ATP13A3: variants seen among roughly 807,000 people sequenced by gnomAD.
ATP13A3 encodes ATPase 13A3, also known as polyamine-transporting ATPase 13A3.
Under a neutral mutation model 158.1 loss-of-function variants are expected in ATP13A3, and 59 were observed. That is an observed-to-expected ratio of 0.37 (90% confidence interval 0.30 to 0.46). The LOEUF (loss-of-function observed/expected upper bound fraction) is 0.46, where lower values mean the gene tolerates loss of function less well. Among genes scored for constraint, ATP13A3 ranks in the 20% least tolerant of loss-of-function variants. The pLI is 1.00. For synonymous variants in ATP13A3, 491 were observed against 504.3 expected (o/e 0.97, Z 0.35); for missense variants, 1,166 against 1,525.2 (o/e 0.76, Z 3.92).
chr3:194,417,445 A>AC (rs1560072213), intron 31 of ATP13A3, among the ~76,000 whole-genome samples: 54 of 148,948 alleles, frequency 3.6e-4, no homozygotes, highest in South Asian at 3.0e-3. Flanking sequence ...ACACACACAC[A>AC]AAAGGAGGAA....
At position 194,403,703 on chromosome 3, in the gene ATP13A3, G is replaced by T. The variant is rs1331000290; in HGVS notation, c.*2216C>A. On this transcript the variant is annotated 3_prime_UTR_variant, in exon 34 of 34. Transcript: ENST00000645319. ...TACTATGTAATGGTAACCTACGAGA[G>T]AAGACTCAGTCTATCTATGGCACTG... The T allele has an allele frequency of 6.4e-6, 1 of 156,016 alleles. No homozygotes were observed. The highest frequency in any genetic ancestry group is 1.9e-4 in the East Asian group (1 of 5,274). 9.7% of individuals were successfully genotyped at this position (156,016 alleles called of 1,614,324 possible). A position where few individuals can be genotyped will look rare whatever the true frequency, so the allele number is the denominator to read the frequency against.
chr3:194,439,811 T>G (rs1255336909), intron 16 of ATP13A3, among the ~76,000 whole-genome samples: 2 of 152,198 alleles, frequency 1.3e-5, no homozygotes, highest in Non-Finnish European at 2.9e-5. Context: ...AATATGCCAT[T>G]ATACACATTT....
At chr3:194,461,377 G>T (rs1475163595) in intron 3 of ATP13A3, among the ~76,000 whole-genome samples, 1 of 152,048 alleles carries the variant, frequency 6.6e-6, no homozygotes, top group Non-Finnish European at 1.5e-5. Flanking sequence ...TCAGTTTTAG[G>T]ATTTCACTAG....
In ATP13A3 at chr3:194,427,092, C is replaced by T. The variant is rs761665138; in HGVS notation, c.3108G>A (p.Val1036=). 11 of 1,612,676 alleles carry T rather than the reference C, an allele frequency of 6.8e-6. No homozygotes were observed. Among genetic ancestry groups the T allele is most frequent in the African/African-American group, 1.3e-5 (1 of 74,704 alleles). Residue 1036 remains valine, a synonymous_variant, in exon 29 of 34, where the codon GTG becomes GTA. Coordinates refer to ENST00000645319, the MANE Select transcript of ATP13A3 (RefSeq NM_001367549.1). ...FWVKQQPWYE[V]WHPKSDACNT... is the part of the protein sequence containing the mutation. ...CAACTTACTCTGATTTTGGATGCCA[C>T]ACTTCATACCAAGGTTGCTGTTTGA...
At chr3:194,458,214 T>C (rs1719379268) in intron 6 of ATP13A3, among the ~76,000 whole-genome samples, 1 of 152,082 alleles carries the variant, frequency 6.6e-6, no homozygotes, top group African/African-American at 2.4e-5. Flanking sequence ...TTCACTTCAA[T>C]CAATGGAGTA....
rs766609123 is a variant in ATP13A3 at position 194,462,241 on chromosome 3, G to A, written c.-46-5C>T. 2.8e-5 allele frequency: 42 copies of A among 1,501,860 alleles called. No individual in the cohort carries two copies. The highest frequency in any genetic ancestry group is 3.4e-4 in the Middle Eastern group (2 of 5,834). The allele number at this position is 1,501,860 out of a possible 1,614,324, so 93.0% of individuals were successfully genotyped here. ...GCTTCAAACAATGGAAGATCACTGAGGGAAGAAAGGGAACAGACGTTAGGG... is the reference window on the plus strand; with the variant it reads ...GCTTCAAACAATGGAAGATCACTGAAGGAAGAAAGGGAACAGACGTTAGGG... On this transcript the variant is annotated splice_polypyrimidine_tract_variant and splice_region_variant and intron_variant, in intron 2 of 33. Coordinates refer to ENST00000645319, the MANE Select transcript of ATP13A3 (RefSeq NM_001367549.1).
intron 16 of ATP13A3, among the ~76,000 whole-genome samples, chr3:194,440,997 G>T (rs1718014919): frequency 6.6e-6 from 1 of 152,196 alleles, no homozygotes; most frequent in Non-Finnish European, 1.5e-5. Flanking sequence ...AATTGTGTCA[G>T]TTGAGATCAT....
At chr3:194,461,652 C>T (rs967262486) in intron 3 of ATP13A3, among the ~76,000 whole-genome samples, 5 of 152,148 alleles carry the variant, frequency 3.3e-5, no homozygotes, top group Non-Finnish European at 7.4e-5. Flanking sequence ...TCCCATGCAA[C>T]ATTTGGACAT....
intron 15 of ATP13A3, among the ~76,000 whole-genome samples, chr3:194,441,739 A>C (rs1718065733): frequency 6.6e-6 from 1 of 152,148 alleles, no homozygotes; most frequent in African/African-American, 2.4e-5. Context: ...GACAGGAAAC[A>C]AAGTCTGGCC....
intron 21 of ATP13A3, among the ~76,000 whole-genome samples, chr3:194,433,539 G>A (rs578197409): frequency 1.1e-4 from 16 of 152,252 alleles, no homozygotes; most frequent in Middle Eastern, 3.4e-3. Context: ...CACCGCGCCC[G>A]GCCGTACTTT....
upstream of ATP13A3, chr3:194,487,050 G>A (rs2109089504): frequency 6.6e-6 from 1 of 152,072 alleles, no homozygotes; most frequent in African/African-American, 2.4e-5. Flanking sequence ...CCGCGCGGAG[G>A]GCGGAGGGGC....
chr3:194,434,319 T>A (rs1717462652), intron 20 of ATP13A3, among the ~76,000 whole-genome samples: 1 of 152,216 alleles, frequency 6.6e-6, no homozygotes, highest in Non-Finnish European at 1.5e-5. Flanking sequence ...CAATTACTGA[T>A]CCTGAAAATG....
At chr3:194,474,929 T>C (rs963774851) in intron 2 of ATP13A3, among the ~76,000 whole-genome samples, 1 of 152,222 alleles carries the variant, frequency 6.6e-6, no homozygotes, top group Non-Finnish European at 1.5e-5. Context: ...GCTAAGACTA[T>C]GTTGAGTTTA....
Position 194,448,503 on chromosome 3 carries a change from A to G in ATP13A3, c.1104T>C (p.Thr368=), listed in dbSNP as rs376894045. 20 of 1,614,024 alleles carry G rather than the reference A, an allele frequency of 1.2e-5. No homozygotes were observed. In the African/African-American group the frequency reaches 2.4e-4, roughly 19 times the overall value. ...TGACGAGTTCTCCAGTGTAGAAACG[A>G]GTCTGAATAACAGTTGTCCCACAAA... ...TLFCGTTVIQ[T]RFYTGELVKA... Residue 368 remains threonine (T), a synonymous_variant, in exon 12 of 34, where the codon ACT becomes ACC. Transcript: ENST00000645319. The surrounding 1 kb of genome is among the most constrained non-coding windows in gnomAD (Gnocchi z 4.0).
At chr3:194,464,575 T>C (rs74743491) in intron 2 of ATP13A3, among the ~76,000 whole-genome samples, 111 of 152,326 alleles carry the variant, frequency 7.3e-4, no homozygotes, top group African/African-American at 2.6e-3. Context: ...GAAGATCGGC[T>C]ATCATCACCT....
rs534247852 is a variant in ATP13A3 at position 194,429,953 on chromosome 3, G to T, written c.2777+119C>A. ...ATCAATCTGTTACTAATAAGTTACA[G>T]CTCAAATGTGCTAATCTGCTAATAT... On this transcript the variant is annotated intron_variant, in intron 26 of 33. Coordinates refer to ENST00000645319, the MANE Select transcript of ATP13A3 (RefSeq NM_001367549.1). The T allele has an allele frequency of 3.1e-5, 32 of 1,025,518 alleles. No individual in the cohort carries two copies. The African/African-American group carries it at 4.4e-4, about 14-fold the overall frequency. 63.5% of individuals were successfully genotyped at this position (1,025,518 alleles called of 1,614,324 possible).
intron 15 of ATP13A3, among the ~76,000 whole-genome samples, chr3:194,443,611 C>A (rs1474271608): frequency 6.6e-6 from 1 of 152,042 alleles, no homozygotes; most frequent in Non-Finnish European, 1.5e-5. Context: ...AGAAAGGTCA[C>A]AACGTGACAT....
At chr3:194,444,942 C>T (rs1299777111) in intron 14 of ATP13A3, among the ~76,000 whole-genome samples, 156 bp from the exon 15 acceptor site, 1 of 151,866 alleles carries the variant, frequency 6.6e-6, no homozygotes, top group Non-Finnish European at 1.5e-5. Context: ...AGGCAAGATC[C>T]CTGACAGAGA....
At position 194,431,161 on chromosome 3, in the gene ATP13A3, T is replaced by C; in HGVS notation, c.2487A>G (p.Ala829=). The change falls in exon 23 of 34, where the codon GCA becomes GCG. Residue 829 remains alanine, a synonymous_variant. Coordinates refer to ENST00000645319, the MANE Select transcript of ATP13A3 (RefSeq NM_001367549.1). ...EDLQMTRYHF[A]MNGKSFSVIL... is the part of the protein sequence containing the mutation. ...TCACTGAGAATGATTTTCCATTCAT[T>C]GCAAAATGATAACGAGTCATTTGAA... 1.2e-6 allele frequency: 2 copies of C among 1,613,936 alleles called. No homozygotes were observed. The highest frequency in any genetic ancestry group is 1.7e-4 in the Middle Eastern group (1 of 6,060).
Sources: gnomAD v4.1 joint callset for allele counts (sites outside exome capture counted in the v4.1 genomes callset) on GRCh38, gnomAD v4.1.1 for gene constraint, Gnocchi (gnomAD v3.1) non-coding constraint, MANE v1.5 for transcripts, NCBI Gene and HGNC (gene_info 2026-07-23, HGNC 2026-07-21) for gene names.